The following CHRM2 variants were observed in gnomAD, a reference collection of about 807,000 sequenced individuals.
The protein encoded by CHRM2 is cholinergic receptor muscarinic 2.
Under a neutral mutation model 25.0 loss-of-function variants are expected in CHRM2, and 8 were observed. The observed-to-expected ratio is 0.32, with a 90% CI of 0.19 to 0.58. The LOEUF (loss-of-function observed/expected upper bound fraction) is 0.58, where lower values mean the gene tolerates loss of function less well. CHRM2 is among the 20% of genes least tolerant of loss of function. The pLI is 0.88. For missense variants in CHRM2, 440 were observed against 567.1 expected (o/e 0.78, Z 2.28); for synonymous variants, 202 against 205.7 (o/e 0.98, Z 0.15).
chr7:136,931,374 T>C (rs1799094727), intron 2 of CHRM2, among the ~76,000 whole-genome samples: 1 of 152,108 alleles, frequency 6.6e-6, no homozygotes, highest in African/African-American at 2.4e-5. Context: ...AGATTTTGAT[T>C]CCTAAAGTGG....
intron 2 of CHRM2, among the ~76,000 whole-genome samples, chr7:136,930,841 G>A (rs1386973506): frequency 7.1e-6 from 1 of 140,668 alleles, no homozygotes; most frequent in African/African-American, 2.6e-5. Context: ...AGTTTGCAGT[G>A]AGCCGAGACT....
At chr7:136,950,266 G>C (rs73727442) in intron 2 of CHRM2, among the ~76,000 whole-genome samples, 2,922 of 152,130 alleles carry the variant, frequency 0.019, 76 homozygotes, top group African/African-American at 0.066. Context: ...AAGTGCCCTC[G>C]TTCCTCATCA....
chr7:136,874,003 G>T (rs1030705031), intron 2 of CHRM2, among the ~76,000 whole-genome samples: 1 of 152,194 alleles, frequency 6.6e-6, no homozygotes, highest in Non-Finnish European at 1.5e-5. Context: ...AGTAATAAAA[G>T]ATAATTTTGA....
At chr7:137,007,047 C>T (rs1420806344) in intron 3 of CHRM2, among the ~76,000 whole-genome samples, 2 of 151,814 alleles carry the variant, frequency 1.3e-5, no homozygotes, top group Non-Finnish European at 2.9e-5. Context: ...AAAAATCAAT[C>T]AAAGAAAAAC....
intron 3 of CHRM2, among the ~76,000 whole-genome samples, chr7:137,001,622 T>C (rs1804039741): frequency 6.6e-6 from 1 of 152,112 alleles, no homozygotes; most frequent in African/African-American, 2.4e-5. Flanking sequence ...GGATGAGATT[T>C]GGCCGTGGCA....
intron 3 of CHRM2, among the ~76,000 whole-genome samples, chr7:137,006,370 T>A: frequency 6.6e-6 from 1 of 152,068 alleles, no homozygotes; most frequent in East Asian, 1.9e-4. Context: ...ATTTCCCCCT[T>A]ATGACACTGT....
At chr7:136,968,952 T>C (rs554793217) in intron 2 of CHRM2, among the ~76,000 whole-genome samples, 142 of 152,112 alleles carry the variant, frequency 9.3e-4, no homozygotes, top group African/African-American at 3.1e-3. Flanking sequence ...AGAAAGAGTA[T>C]GCTCAGGGAA....
intron 2 of CHRM2, among the ~76,000 whole-genome samples, chr7:136,945,134 T>G (rs564507058): frequency 6.6e-6 from 1 of 152,206 alleles, no homozygotes; most frequent in Non-Finnish European, 1.5e-5. Context: ...TATTAGTCCT[T>G]TTTCAGATGC....
intron 2 of CHRM2, among the ~76,000 whole-genome samples, chr7:136,944,191 CCAAG>C (rs1303615566): frequency 3.9e-5 from 6 of 152,100 alleles, no homozygotes; most frequent in Non-Finnish European, 8.8e-5. Flanking sequence ...CACCCAATAC[CCAAG>C]CAGTGTACAC....
At chr7:137,012,272 T>A (rs1804875224) in intron 3 of CHRM2, among the ~76,000 whole-genome samples, 1 of 152,072 alleles carries the variant, frequency 6.6e-6, no homozygotes, top group Non-Finnish European at 1.5e-5. Flanking sequence ...TTAGCTGAGC[T>A]ATTAAGAAAT....
At chr7:136,931,452 G>A (rs752581899) in intron 2 of CHRM2, among the ~76,000 whole-genome samples, 1 of 152,148 alleles carries the variant, frequency 6.6e-6, no homozygotes, top group Non-Finnish European at 1.5e-5. Flanking sequence ...GAACCTCCTG[G>A]AGCTATGAAG....
intron 2 of CHRM2, among the ~76,000 whole-genome samples, chr7:136,917,075 C>A (rs986384533): frequency 6.6e-6 from 1 of 151,698 alleles, no homozygotes; most frequent in East Asian, 1.9e-4. Context: ...CTCCTTTTTG[C>A]AAATAAGCGT....
chr7:136,945,127 T>A (rs1799998455), intron 2 of CHRM2, among the ~76,000 whole-genome samples: 1 of 152,086 alleles, frequency 6.6e-6, no homozygotes. Flanking sequence ...TTCTGGATAT[T>A]AGTCCTTTTT....
intron 2 of CHRM2, among the ~76,000 whole-genome samples, chr7:136,959,980 A>G (rs972964824): frequency 6.6e-6 from 1 of 152,166 alleles, no homozygotes; most frequent in Non-Finnish European, 1.5e-5. Context: ...CTGATTCTAA[A>G]TAGTACAGCC....
intron 2 of CHRM2, among the ~76,000 whole-genome samples, chr7:136,975,142 T>C (rs144207440): frequency 2.6e-5 from 4 of 152,324 alleles, no homozygotes; most frequent in Admixed American, 6.5e-5. Context: ...TAATTGAAGA[T>C]GACTCTTTGC....
At chr7:136,892,413 G>C (rs1373810872) in intron 2 of CHRM2, among the ~76,000 whole-genome samples, 1 of 151,860 alleles carries the variant, frequency 6.6e-6, no homozygotes, top group Non-Finnish European at 1.5e-5. Flanking sequence ...GGCGGTCTCT[G>C]AACATCTAGA....
rs1221397170 is a variant in CHRM2 at position 136,868,938 on chromosome 7, C to G, written c.-337C>G. On this transcript the variant is annotated 5_prime_UTR_variant, in exon 1 of 4. Transcript: ENST00000680005. Reference sequence around the variant, plus strand: ...AAGAAATGAATCCAGCCCAGCTCGCCGAGGCATCCAGGTCTCCATTCTATT... The same window carrying G: ...AAGAAATGAATCCAGCCCAGCTCGCGGAGGCATCCAGGTCTCCATTCTATT... The G allele has an allele frequency of 1.3e-5, 2 of 152,312 alleles. No individual in the cohort carries two copies. The highest frequency in any genetic ancestry group is 2.1e-4 in the South Asian group (1 of 4,830). The allele number at this position is 152,312 out of a possible 1,614,324, so 9.4% of individuals were successfully genotyped here.
intron 3 of CHRM2, among the ~76,000 whole-genome samples, chr7:137,012,709 T>A (rs1804903347): frequency 6.6e-6 from 1 of 152,040 alleles, no homozygotes; most frequent in South Asian, 2.1e-4. Flanking sequence ...TATCTCGGGA[T>A]TTTTTTGCTA....
At chr7:136,917,272 T>C (rs1329936258) in intron 2 of CHRM2, among the ~76,000 whole-genome samples, 1 of 151,982 alleles carries the variant, frequency 6.6e-6, no homozygotes, top group East Asian at 1.9e-4. Context: ...CCTTAGATGT[T>C]CAAATATTTT....
Sources: gnomAD v4.1 joint callset for allele counts (sites outside exome capture counted in the v4.1 genomes callset) on GRCh38, gnomAD v4.1.1 for gene constraint, MANE v1.5 for transcripts, NCBI Gene and HGNC (gene_info 2026-07-23, HGNC 2026-07-21) for gene names.